Variants in WDR1 observed in about 807,000 individuals in gnomAD.
WDR1 encodes the protein WD repeat domain 1, also known as WD repeat-containing protein 1.
Under a neutral mutation model 71.9 loss-of-function variants are expected in WDR1, and 21 were observed. The ratio of observed to expected loss-of-function variants is 0.29; its 90% CI spans 0.21 to 0.42. WDR1 has a LOEUF of 0.42. WDR1 is among the 10% of genes least tolerant of loss of function. The pLI is 1.00. For missense variants in WDR1, 696 were observed against 824.5 expected, an observed-to-expected ratio of 0.84 and a Z score of 1.91; for synonymous variants, 424 against 347.4, an observed-to-expected ratio of 1.22 and a Z score of -2.45.
chr4:10,116,346 G>A (rs746234371), intron 1 of WDR1, 112 bp from the exon 2 acceptor site: 2 of 1,472,864 alleles, frequency 1.4e-6, no homozygotes, highest in African/African-American at 2.8e-5. Flanking sequence ...GACTGCGCCG[G>A]GAGGGCGGCC....
intron 3 of WDR1, among the ~76,000 whole-genome samples, chr4:10,100,005 C>T (rs1337572695): frequency 6.6e-6 from 1 of 152,230 alleles, no homozygotes; most frequent in Non-Finnish European, 1.5e-5. Context: ...ACACCCTCTC[C>T]AAATGAGCAC....
At chr4:10,082,125 G>GA (rs1765039426) in intron 10 of WDR1, among the ~76,000 whole-genome samples, 1 of 152,320 alleles carries the variant, frequency 6.6e-6, no homozygotes, top group African/African-American at 2.4e-5. Flanking sequence ...CAGGGCAGTA[G>GA]AAAGAGGACC....
intron 2 of WDR1, among the ~76,000 whole-genome samples, chr4:10,105,060 G>A (rs1236176988): frequency 1.3e-5 from 2 of 152,158 alleles, no homozygotes; most frequent in Non-Finnish European, 2.9e-5. Context: ...ACGTCTGTGT[G>A]TAGTCTGTGC....
intron 8 of WDR1, among the ~76,000 whole-genome samples, chr4:10,086,826 C>T (rs934570004): frequency 2.6e-5 from 4 of 152,156 alleles, no homozygotes; most frequent in Non-Finnish European, 5.9e-5. Context: ...GGTCACCCAC[C>T]CTGGGCCACC....
chr4:10,081,044 G>A (rs558663128), intron 11 of WDR1, among the ~76,000 whole-genome samples: 1 of 152,274 alleles, frequency 6.6e-6, no homozygotes, highest in African/African-American at 2.4e-5. Flanking sequence ...CACCCCACAG[G>A]GTATCTCATA....
At chr4:10,081,692 G>C (rs111321097) in intron 10 of WDR1, among the ~76,000 whole-genome samples, 51 of 150,318 alleles carry the variant, frequency 3.4e-4, no homozygotes, top group African/African-American at 1.2e-3. Flanking sequence ...GGCGGGAGGC[G>C]GTGAAAGGCG....
intron 2 of WDR1, among the ~76,000 whole-genome samples, chr4:10,110,861 C>G (rs1332028212): frequency 6.6e-6 from 1 of 152,246 alleles, no homozygotes; most frequent in African/African-American, 2.4e-5. Flanking sequence ...AAAATGTCTG[C>G]AAACGTTGCC....
chr4:10,109,529 C>T (rs903214067), intron 2 of WDR1, among the ~76,000 whole-genome samples: 3 of 152,202 alleles, frequency 2.0e-5, no homozygotes, highest in African/African-American at 4.8e-5. Flanking sequence ...TGGCTGAGGA[C>T]GGGGTGGTCA....
At chr4:10,085,157 A>G (rs1352367628) in intron 8 of WDR1, among the ~76,000 whole-genome samples, 1 of 152,230 alleles carries the variant, frequency 6.6e-6, no homozygotes, top group African/African-American at 2.4e-5. Flanking sequence ...AGCCCCCTCC[A>G]TATCTGAGCC....
intron 3 of WDR1, among the ~76,000 whole-genome samples, chr4:10,100,903 CAT>C (rs1712644936): frequency 6.6e-6 from 1 of 152,254 alleles, no homozygotes. Flanking sequence ...CACACATGCA[CAT>C]GTGACCACGT....
rs924569745 is a variant in WDR1, at chr4:10,078,057, C to G, written c.1396-131G>C. The G allele has an allele frequency of 4.2e-6, 5 of 1,182,148 alleles. No individual in the cohort carries two copies. In the African/African-American group the frequency reaches 6.3e-5, roughly 15 times the overall value. 73.2% of individuals were successfully genotyped at this position (1,182,148 alleles called of 1,614,324 possible). A position where few individuals can be genotyped will look rare whatever the true frequency, so the allele number is the denominator to read the frequency against. On this transcript the variant is annotated intron_variant, in intron 12 of 14. Transcript: ENST00000499869. ...GACTGCTGCTCTGCTGGGCCCATGC[C>G]AGGAGCTGGGCATGGCTCTTCCCGT...
intron 14 of WDR1, 88 bp downstream of exon 14, chr4:10,077,216 G>A (rs1764833246): frequency 6.5e-7 from 1 of 1,538,026 alleles, no homozygotes; most frequent in Non-Finnish European, 8.8e-7. Flanking sequence ...TTAGCCCTGG[G>A]GACTGAAGCC....
chr4:10,103,293 C>G (rs200189489), intron 3 of WDR1, among the ~76,000 whole-genome samples: 653 of 14,610 alleles, frequency 0.045, 2 homozygotes, highest in Middle Eastern at 0.088. Flanking sequence ...CACACAGACA[C>G]ACACACACAC....
At chr4:10,112,155 A>G (rs1293003980) in intron 2 of WDR1, among the ~76,000 whole-genome samples, 4 of 152,100 alleles carry the variant, frequency 2.6e-5, no homozygotes, top group Non-Finnish European at 5.9e-5. Context: ...CCCTGTTTAG[A>G]ATCACAAACA....
intron 5 of WDR1, chr4:10,093,169 C>T: frequency 7.8e-7 from 1 of 1,287,874 alleles, no homozygotes; most frequent in South Asian, 1.2e-5. Flanking sequence ...TGCTCACTAC[C>T]TACCTAGTCA....
At chr4:10,084,346 G>A in intron 9 of WDR1, 97 bp downstream of exon 9, 1 of 1,131,842 alleles carries the variant, frequency 8.8e-7, no homozygotes, top group Non-Finnish European at 1.3e-6. Flanking sequence ...GCTGCAGCTG[G>A]AGCCACCTGG....
chr4:10,088,553 A>ACG lies in WDR1; in HGVS notation c.636+110_636+111insCG, dbSNP rs781496836. 3 of 1,157,364 alleles carry ACG rather than the reference A, an allele frequency of 2.6e-6. No homozygotes were observed. The South Asian group carries it at 3.9e-5, about 15-fold the overall frequency. 71.7% of individuals were successfully genotyped at this position (1,157,364 alleles called of 1,614,324 possible). On this transcript the variant is annotated intron_variant, in intron 6 of 14. Transcript: ENST00000499869. ...CGAGTCTGCAGATGTGGGGAGGGCGATGTCTAAGTTCTGCATGTCAGGACT... is the reference window on the plus strand; with the variant it reads ...CGAGTCTGCAGATGTGGGGAGGGCGACGTGTCTAAGTTCTGCATGTCAGGACT...
At chr4:10,107,444 A>T (rs1220931476) in intron 2 of WDR1, among the ~76,000 whole-genome samples, 1 of 152,070 alleles carries the variant, frequency 6.6e-6, no homozygotes, top group African/African-American at 2.4e-5. Flanking sequence ...TGATTACCTC[A>T]CGGTCCGGCT....
At position 10,074,708 on chromosome 4, in the gene WDR1, C is replaced by A. The variant is rs1764729415; in HGVS notation, c.*670G>T. Reference sequence around the variant, plus strand: ...ACTTGGACACGGTGCCGTCAACGCACTAGTTTGTAAACACTGACAGGCAAC... The same window carrying A: ...ACTTGGACACGGTGCCGTCAACGCAATAGTTTGTAAACACTGACAGGCAAC... On this transcript the variant is annotated 3_prime_UTR_variant, in exon 15 of 15. Coordinates refer to ENST00000499869, the MANE Select transcript of WDR1 (RefSeq NM_017491.5). 6.6e-6 allele frequency: 1 copy of A among 152,408 alleles called. No individual in the cohort carries two copies. Among genetic ancestry groups the A allele is most frequent in the South Asian group, 2.1e-4 (1 of 4,824 alleles). The allele number at this position is 152,408 out of a possible 1,614,324, so 9.4% of individuals were successfully genotyped here. A position where few individuals can be genotyped will look rare whatever the true frequency, so the allele number is the denominator to read the frequency against.
Sources: allele counts gnomAD v4.1 joint callset (sites outside exome capture counted in the v4.1 genomes callset), GRCh38; gene constraint gnomAD v4.1.1; transcripts MANE v1.5; gene names NCBI Gene and HGNC (gene_info 2026-07-23, HGNC 2026-07-21).